Variants in PIK3C2G observed in about 807,000 individuals in gnomAD.
PIK3C2G encodes the protein phosphatidylinositol 3-kinase C2 domain-containing subunit gamma.
In PIK3C2G, 168 loss-of-function variants were observed where a neutral mutation model predicts 181.1. The ratio of observed to expected loss-of-function variants is 0.93; its 90% confidence interval spans 0.82 to 1.05. The LOEUF is 1.05. Ranked by LOEUF, PIK3C2G falls within the 50% of genes least tolerant of loss-of-function variation. The pLI is 0.00. For synonymous variants in PIK3C2G, 573 were observed against 592.2 expected (o/e 0.97, Z 0.47); for missense variants, 1,869 against 1,732.8 (o/e 1.08, Z -1.40).
At chr12:18,726,539 G>A in the PIK3C2G span, among the ~76,000 whole-genome samples, 51 of 152,138 alleles carry the variant, frequency 3.4e-4, no homozygotes, top group African/African-American at 1.2e-3. Context: ...GTTTAAATGA[G>A]TGATTGAATA....
chr12:18,475,201 G>T (rs2135993859), intron 18 of PIK3C2G, among the ~76,000 whole-genome samples: 1 of 151,882 alleles, frequency 6.6e-6, no homozygotes, highest in African/African-American at 2.4e-5. Context: ...TGCTATAATT[G>T]CTTATATCTT....
At chr12:18,503,733 A>G (rs1055831774) in intron 23 of PIK3C2G, among the ~76,000 whole-genome samples, 2 of 152,186 alleles carry the variant, frequency 1.3e-5, no homozygotes, top group African/African-American at 4.8e-5. Flanking sequence ...TACAACTTCT[A>G]TAAATATCCC....
chr12:18,272,794 G>A (rs1202075000), intron 1 of PIK3C2G, among the ~76,000 whole-genome samples: 1 of 152,106 alleles, frequency 6.6e-6, no homozygotes, highest in Admixed American at 6.6e-5. Flanking sequence ...GTGAACTAGA[G>A]TCACAGGACA....
intron 12 of PIK3C2G, 99 bp from the exon 13 acceptor site, chr12:18,371,077 ATAGT>A (rs1942022612): frequency 8.9e-6 from 8 of 900,282 alleles, no homozygotes; most frequent in African/African-American, 1.7e-5. Context: ...CTCAATTCAA[ATAGT>A]TAAATATCTT....
chr12:18,579,222 C>T (rs1384594716), intron 29 of PIK3C2G, among the ~76,000 whole-genome samples: 2 of 151,874 alleles, frequency 1.3e-5, no homozygotes, highest in East Asian at 3.9e-4. Flanking sequence ...GTTTACAGTA[C>T]TGTAATAAAT....
chr12:18,245,836 A>G (rs1948034191), upstream of PIK3C2G, among the ~76,000 whole-genome samples: 1 of 152,060 alleles, frequency 6.6e-6, no homozygotes, highest in Non-Finnish European at 1.5e-5. Flanking sequence ...TTTTTTATTT[A>G]TAAATTCGCA....
chr12:18,342,478 A>C (rs914328561), intron 9 of PIK3C2G, among the ~76,000 whole-genome samples: 2 of 152,062 alleles, frequency 1.3e-5, no homozygotes, highest in Admixed American at 6.6e-5. Context: ...CTTAAATGCA[A>C]GACTTGAAAT....
At chr12:18,607,303 A>G in intron 30 of PIK3C2G, 2 of 390,592 alleles carry the variant, frequency 5.1e-6, no homozygotes, top group South Asian at 1.9e-5. Flanking sequence ...ATGAAAGTAT[A>G]GAATAGCTAC....
intron 9 of PIK3C2G, among the ~76,000 whole-genome samples, chr12:18,339,202 T>C (rs953670717): frequency 6.6e-6 from 1 of 152,130 alleles, no homozygotes; most frequent in African/African-American, 2.4e-5. Flanking sequence ...GACATCTGGT[T>C]ACAATAAATT....
upstream of PIK3C2G, among the ~76,000 whole-genome samples, chr12:18,257,815 GAGAA>G (rs1948162437): frequency 7.0e-6 from 1 of 142,360 alleles, no homozygotes; most frequent in Non-Finnish European, 1.5e-5. Flanking sequence ...AAGAAAGAAG[GAGAA>G]AGAGAAAGAA....
the PIK3C2G span, chr12:18,683,652 T>TTGAG: frequency 7.5e-7 from 1 of 1,337,768 alleles, no homozygotes; most frequent in African/African-American, 1.5e-5. Flanking sequence ...AGTAAGCATA[T>TTGAG]TGAGACAAGG....
intron 24 of PIK3C2G, among the ~76,000 whole-genome samples, chr12:18,519,785 C>G (rs775880015): frequency 1.4e-4 from 21 of 151,920 alleles, no homozygotes; most frequent in Non-Finnish European, 2.4e-4. Context: ...ATTTTGCACA[C>G]TAGTTGCTGC....
chr12:18,683,434 G>T, the PIK3C2G span: 2 of 1,444,994 alleles, frequency 1.4e-6, no homozygotes, highest in Non-Finnish European at 1.9e-6. Context: ...TAAAAACCAT[G>T]ACTATAGAGT....
At chr12:18,369,477 A>G (rs944091852) in intron 12 of PIK3C2G, among the ~76,000 whole-genome samples, 34 of 144,940 alleles carry the variant, frequency 2.3e-4, no homozygotes, top group Admixed American at 1.9e-3. Flanking sequence ...TCATATAACG[A>G]TCGTATAATT....
At chr12:18,657,448 C>T in the PIK3C2G span, among the ~76,000 whole-genome samples, 1 of 141,428 alleles carries the variant, frequency 7.1e-6, no homozygotes, top group East Asian at 1.9e-4. Flanking sequence ...GAGTAGTAAG[C>T]TTACAAGCTG....
At chr12:18,329,583 A>T (rs139142642) in intron 8 of PIK3C2G, among the ~76,000 whole-genome samples, 2 of 152,016 alleles carry the variant, frequency 1.3e-5, no homozygotes, top group Non-Finnish European at 2.9e-5. Context: ...AGATTTATCC[A>T]CCTTTTTCCA....
At position 18,488,526 on chromosome 12, in the gene PIK3C2G, C is replaced by A; in HGVS notation, c.2582C>A (p.Ala861Glu). 6.3e-7 allele frequency: 1 copy of A among 1,588,762 alleles called. No homozygotes were observed. The highest frequency in any genetic ancestry group is 8.6e-7 in the Non-Finnish European group (1 of 1,167,484). Residue 861 changes from alanine to glutamate, a missense_variant, in exon 19 of 33, where the codon GCA becomes GAA. Physicochemically the swap from Ala to Glu is moderately radical, Grantham distance 107. Transcript: ENST00000538779. ...CTACTAGCTGCTCTCCAATTCTGTG[C>A]AGGTAAAGCCTTGAATGATGAGTTT... is the stretch of plus-strand genomic sequence containing the variant. ...QKLLAALQFC[A>E]GKALNDEFSK...
In PIK3C2G at chr12:18,287,741, G is replaced by T. The variant is rs112489218; in HGVS notation, c.761+812G>T. On this transcript the variant is annotated intron_variant, in intron 3 of 32. Coordinates refer to ENST00000538779, the MANE Select transcript of PIK3C2G (RefSeq NM_001288772.2). ...TTGCTGGGTGTGGTGGCGTGCACCTGTAACACCAGATACTTGGGAGGCTGA... is the reference window on the plus strand; with the variant it reads ...TTGCTGGGTGTGGTGGCGTGCACCTTTAACACCAGATACTTGGGAGGCTGA... 2.0e-3 allele frequency among the ~76,000 whole-genome samples: 301 copies of T among 151,648 alleles called. 1 individual carries two copies. The highest frequency in any genetic ancestry group is 7.0e-3 in the African/African-American group (289 of 41,320).
At chr12:18,420,655 TAG>T (rs1386214222) in intron 16 of PIK3C2G, among the ~76,000 whole-genome samples, 2 of 152,130 alleles carry the variant, frequency 1.3e-5, no homozygotes, top group Non-Finnish European at 2.9e-5. Flanking sequence ...GAAAAGATTT[TAG>T]ATTATCCATA....
Sources: allele counts gnomAD v4.1 joint callset (sites outside exome capture counted in the v4.1 genomes callset), GRCh38; gene constraint gnomAD v4.1.1; transcripts MANE v1.5; gene names NCBI Gene and HGNC (gene_info 2026-07-23, HGNC 2026-07-21).